The following AHCTF1 variants were observed in gnomAD, a reference collection of about 807,000 sequenced individuals.
The protein encoded by AHCTF1 is protein ELYS.
Under a neutral mutation model 248.4 loss-of-function variants are expected in AHCTF1, and 24 were observed. The observed-to-expected ratio is 0.10, with a 90% CI of 0.07 to 0.14. The LOEUF (loss-of-function observed/expected upper bound fraction) is 0.14. AHCTF1 is among the 10% of genes least tolerant of loss of function. The pLI is 1.00. For missense variants in AHCTF1, 2,206 were observed against 2,636.2 expected, an observed-to-expected ratio of 0.84 and a Z score of 3.57; for synonymous variants, 786 against 929.8, an observed-to-expected ratio of 0.85 and a Z score of 2.81.
At chr1:246,923,243 C>T (rs1666702385) in intron 1 of AHCTF1, among the ~76,000 whole-genome samples, 3 of 151,624 alleles carry the variant, frequency 2.0e-5, no homozygotes, top group African/African-American at 7.2e-5. Context: ...GATGAAACCC[C>T]ATCTTTACTA....
chr1:246,876,164 C>A lies in AHCTF1; in HGVS notation c.2961G>T (p.Arg987=), dbSNP rs768900701. 1.9e-6 allele frequency: 3 copies of A among 1,598,102 alleles called. No individual in the cohort carries two copies. The highest frequency in any genetic ancestry group is 2.6e-6 in the Non-Finnish European group (3 of 1,171,312). ...TAGAATTTCGAGCCAGTGATCTCTC[C>A]CGCAAACGAGGATCACGATCATTCT... ...NVMNDRDPRL[R]ERSLARNSIL... is the part of the protein sequence containing the mutation. The change falls in exon 24 of 36, where the codon CGG becomes CGT. Residue 987 remains arginine, a synonymous_variant. Transcript: ENST00000648844.
Position 246,851,192 on chromosome 1 carries a change from G to A in AHCTF1, c.4814C>T (p.Pro1605Leu), listed in dbSNP as rs1223594900. Residue 1605 changes from proline to leucine, a missense_variant, in exon 33 of 36, where the codon CCA (proline) becomes CTA (leucine). Around this residue, in one of 6 missense-constraint regions of AHCTF1, gnomAD observed 955 missense variants for 1,055.6 expected, o/e 0.90. Coordinates refer to ENST00000648844, the MANE Select transcript of AHCTF1 (RefSeq NM_001323342.2). ...CACATCAGATGATGCAAAATCACCT[G>A]GCTCAACTTCTCCTTCTTCACCTTC... is the stretch of plus-strand genomic sequence containing the variant. Reference protein sequence around the residue: ...ILEGEEGEVEPGDFASSDVLP... With the variant: ...ILEGEEGEVELGDFASSDVLP... 39 of 1,613,744 alleles carry A rather than the reference G, an allele frequency of 2.4e-5. No homozygotes were observed. The highest frequency in any genetic ancestry group is 3.2e-5 in the Non-Finnish European group (38 of 1,179,848).
chr1:246,846,865 C>T (rs1042224503), intron 33 of AHCTF1, among the ~76,000 whole-genome samples: 2 of 152,006 alleles, frequency 1.3e-5, no homozygotes, highest in Non-Finnish European at 2.9e-5. Flanking sequence ...CATCCTCACA[C>T]CTCAGCCTCC....
At position 246,907,750 on chromosome 1, in the gene AHCTF1, C is replaced by T. The variant is rs1665497691; in HGVS notation, c.565G>A (p.Val189Ile). 1.2e-6 allele frequency: 2 copies of T among 1,611,582 alleles called. No homozygotes were observed. The highest frequency in any genetic ancestry group is 2.7e-5 in the African/African-American group (2 of 74,834). Reference protein sequence around the residue: ...QNEVEASDLEVLTGIPAEVPH... With the variant: ...QNEVEASDLEILTGIPAEVPH... Reference sequence around the variant, plus strand: ...ACTTCAGCTGGGATACCAGTTAGAACTTCAAGATCTAAAACCACAAATTAG... The same window carrying T: ...ACTTCAGCTGGGATACCAGTTAGAATTTCAAGATCTAAAACCACAAATTAG... The change falls in exon 5 of 36, where the codon GTT becomes ATT. Residue 189 changes from valine to isoleucine, a missense_variant. Physicochemically the swap from Val to Ile is conservative, Grantham distance 29 (BLOSUM62 3). Transcript: ENST00000648844.
chr1:246,855,901 C>T, intron 30 of AHCTF1, 74 bp from the exon 31 acceptor site: 2 of 1,031,456 alleles, frequency 1.9e-6, no homozygotes, highest in African/African-American at 1.6e-5. Context: ...GTCCTACCAC[C>T]TAACCTGTCA....
chr1:246,918,019 C>A (rs900461956), intron 2 of AHCTF1, among the ~76,000 whole-genome samples: 10 of 152,080 alleles, frequency 6.6e-5, no homozygotes, highest in African/African-American at 2.4e-4. Context: ...ATACAAAACA[C>A]ATGAGATTTT....
chr1:246,914,301 C>T (rs1666000823), intron 3 of AHCTF1, among the ~76,000 whole-genome samples: 1 of 152,200 alleles, frequency 6.6e-6, no homozygotes, highest in Non-Finnish European at 1.5e-5. Context: ...CTTCTAGTCC[C>T]AGGCATTTTG....
At chr1:246,905,896 G>A (rs1318182605) in intron 5 of AHCTF1, among the ~76,000 whole-genome samples, 4 of 152,254 alleles carry the variant, frequency 2.6e-5, no homozygotes, top group East Asian at 1.9e-4. Flanking sequence ...GCAGTCAAGC[G>A]GATGCATTTA....
At position 246,842,688 on chromosome 1, in the gene AHCTF1, T is replaced by C; in HGVS notation, c.6608+6A>G. Reference sequence around the variant, plus strand: ...AATCAATCAAGAACAGAACAGAAAGTCATACTTGCTTGCTTGTTTTGTTTT... The same window carrying C: ...AATCAATCAAGAACAGAACAGAAAGCCATACTTGCTTGCTTGTTTTGTTTT... On this transcript the variant is annotated splice_donor_region_variant and intron_variant, in intron 35 of 35. Transcript: ENST00000648844. The C allele has an allele frequency of 6.2e-7, 1 of 1,612,258 alleles. No homozygotes were observed.
chr1:246,900,746 T>TA (rs1272683817), intron 8 of AHCTF1, among the ~76,000 whole-genome samples: 1 of 152,208 alleles, frequency 6.6e-6, no homozygotes, highest in Non-Finnish European at 1.5e-5. Flanking sequence ...GTTGAGGTAT[T>TA]AGAGGCAGAA....
chr1:246,850,784 G>C lies in AHCTF1; in HGVS notation c.5222C>G (p.Thr1741Arg), dbSNP rs149320039. ...CACGTTTTGGATACGTTGACCTCTCGTACGAGTTTTGGAGGAAACCACGTC... is the reference window on the plus strand; with the variant it reads ...CACGTTTTGGATACGTTGACCTCTCCTACGAGTTTTGGAGGAAACCACGTC... Reference protein sequence around the residue: ...VDDVVSSKTRTRGQRIQNVNV... With the variant: ...VDDVVSSKTRRRGQRIQNVNV... The change falls in exon 33 of 36, where the codon ACG becomes AGG. Residue 1741 changes from threonine to arginine, a missense_variant. Coordinates refer to ENST00000648844, the MANE Select transcript of AHCTF1 (RefSeq NM_001323342.2). The C allele has an allele frequency of 1.8e-5, 29 of 1,613,620 alleles. No individual in the cohort carries two copies. In the South Asian group the frequency reaches 2.6e-4, roughly 15 times the overall value.
At chr1:246,861,888 A>G in intron 28 of AHCTF1, 71 bp downstream of exon 28, 1 of 1,304,672 alleles carries the variant, frequency 7.7e-7, no homozygotes, top group East Asian at 2.4e-5. Flanking sequence ...GATTTATCTA[A>G]CTTTTTACTT....
intron 4 of AHCTF1, among the ~76,000 whole-genome samples, chr1:246,908,574 T>C (rs1031817653): frequency 7.9e-5 from 12 of 151,952 alleles, no homozygotes; most frequent in Non-Finnish European, 1.5e-5. Context: ...TTGCAGCCCT[T>C]AATGAAATAA....
chr1:246,929,993 A>G (rs942051721), intron 1 of AHCTF1, among the ~76,000 whole-genome samples: 1 of 152,032 alleles, frequency 6.6e-6, no homozygotes. Flanking sequence ...CGGAGGTTGC[A>G]GTGAGCCAAG....
intron 2 of AHCTF1, among the ~76,000 whole-genome samples, chr1:246,917,044 T>G (rs1201124573): frequency 3.3e-5 from 5 of 152,230 alleles, no homozygotes; most frequent in African/African-American, 1.2e-4. Flanking sequence ...TGTAAAGTCA[T>G]AGAGGTGACT....
chr1:246,878,973 T>C (rs998973495), intron 21 of AHCTF1, among the ~76,000 whole-genome samples: 1 of 152,188 alleles, frequency 6.6e-6, no homozygotes, highest in African/African-American at 2.4e-5. Flanking sequence ...CACAGAAATA[T>C]AGTCATTTTT....
chr1:246,844,138 C>A (rs904269385), intron 33 of AHCTF1, among the ~76,000 whole-genome samples: 1 of 152,066 alleles, frequency 6.6e-6, no homozygotes, highest in South Asian at 2.1e-4. Context: ...ATGTGTAGGA[C>A]GATTGAATGC....
intron 14 of AHCTF1, among the ~76,000 whole-genome samples, 185 bp downstream of exon 14, chr1:246,894,473 GT>G (rs1268395580): frequency 1.3e-5 from 2 of 152,108 alleles, no homozygotes; most frequent in Non-Finnish European, 2.9e-5. Flanking sequence ...AACCCGGGAG[GT>G]GGAGCCTGCA....
chr1:246,862,277 G>A (rs1284264545), intron 27 of AHCTF1, 124 bp from the exon 28 acceptor site: 4 of 578,756 alleles, frequency 6.9e-6, no homozygotes, highest in Admixed American at 7.4e-5. Context: ...TCAGGAGATC[G>A]AGACCATCCT....
Sources: gnomAD v4.1 joint callset for allele counts (sites outside exome capture counted in the v4.1 genomes callset) on GRCh38, gnomAD v4.1.1 for gene constraint, gnomAD v4.1.1 regional missense constraint, MANE v1.5 for transcripts, NCBI Gene and HGNC (gene_info 2026-07-23, HGNC 2026-07-21) for gene names.